PRIMPOL: variants seen among roughly 807,000 people sequenced by gnomAD.
PRIMPOL encodes the protein primase and DNA directed polymerase.
PRIMPOL carries 54 observed loss-of-function variants against 63.6 expected under a neutral mutation model. The observed-to-expected ratio is 0.85, with a 90% CI of 0.68 to 1.07. The LOEUF (loss-of-function observed/expected upper bound fraction) is 1.07, where lower values mean the gene tolerates loss of function less well. Among genes scored for constraint, PRIMPOL ranks in the 50% least tolerant of loss-of-function variants. The pLI, the probability that PRIMPOL is intolerant of heterozygous loss-of-function variation, is 0.00. For synonymous variants in PRIMPOL, 197 were observed against 220.2 expected (o/e 0.89, Z 0.93); for missense variants, 610 against 648.3 (o/e 0.94, Z 0.64).
chr4:184,685,517 T>A lies in PRIMPOL; in HGVS notation c.1186+19T>A. On this transcript the variant is annotated intron_variant, in intron 10 of 13. Coordinates refer to ENST00000314970, the MANE Select transcript of PRIMPOL (RefSeq NM_152683.4). ...AAAGGAGGTAAAGTTAATCTCATCCTTTGTTAACTGTTATATGATAGAGTG... is the reference window on the plus strand; with the variant it reads ...AAAGGAGGTAAAGTTAATCTCATCCATTGTTAACTGTTATATGATAGAGTG... 6.3e-7 allele frequency: 1 copy of A among 1,594,572 alleles called. No individual in the cohort carries two copies. The highest frequency in any genetic ancestry group is 1.1e-5 in the South Asian group (1 of 90,662).
intron 6 of PRIMPOL, among the ~76,000 whole-genome samples, chr4:184,668,345 G>A (rs765437384): frequency 1.6e-4 from 25 of 152,176 alleles, no homozygotes; most frequent in African/African-American, 4.3e-4. Context: ...TGTGCCTCTC[G>A]CCCTACTTAG....
chr4:184,657,197 T>A lies in PRIMPOL; in HGVS notation c.57T>A (p.Tyr19Ter). The A allele has an allele frequency of 6.2e-7, 1 of 1,613,088 alleles. No homozygotes were observed. Among genetic ancestry groups the A allele is most frequent in the Non-Finnish European group, 8.5e-7 (1 of 1,179,664 alleles). ...LKQIEERASH[Y>*]ERKPLSSVYR... ...AAATTGAAGAACGAGCATCTCATTA[T>A]GAGAGGAAACCGTTGTCCTCAGTGT... The change falls in exon 3 of 14, where the codon TAT becomes TAA. Residue 19 changes from tyrosine (Y) to a stop codon, truncating the protein, a stop_gained. Coordinates refer to ENST00000314970, the MANE Select transcript of PRIMPOL (RefSeq NM_152683.4). LOFTEE classifies it high-confidence loss of function.
chr4:184,651,099 T>C (rs2720383), intron 1 of PRIMPOL, among the ~76,000 whole-genome samples: 140,749 of 151,938 alleles, frequency 0.93, 66,066 homozygotes, highest in Non-Finnish European at 1. Context: ...ACCAGCCTGG[T>C]CAAGATGGTG....
chr4:184,654,598 C>CCGG (rs1745742164), intron 2 of PRIMPOL, among the ~76,000 whole-genome samples: 1 of 151,744 alleles, frequency 6.6e-6, no homozygotes, highest in African/African-American at 2.4e-5. Context: ...CTACAGGCAC[C>CCGG]CACCACCACG....
chr4:184,673,527 C>T (rs1752478609), intron 7 of PRIMPOL, among the ~76,000 whole-genome samples: 1 of 150,672 alleles, frequency 6.6e-6, no homozygotes, highest in South Asian at 2.1e-4. Flanking sequence ...CGGGTTCAAA[C>T]GATTCTCCTC....
intron 7 of PRIMPOL, among the ~76,000 whole-genome samples, chr4:184,677,214 G>A (rs75635067): frequency 1.1e-4 from 17 of 151,704 alleles, no homozygotes; most frequent in African/African-American, 4.1e-4. Context: ...CTCCTGTTGT[G>A]GCCTCCCATA....
At position 184,676,330 on chromosome 4, in the gene PRIMPOL, C is replaced by T. The variant is rs1753340237; in HGVS notation, c.845-1902C>T. ...CCTTCCCCTCCCTTCCCTTTCCTTCCCTTCCCTTCCTTTCTCCTTTTCCTT... is the reference window on the plus strand; with the variant it reads ...CCTTCCCCTCCCTTCCCTTTCCTTCTCTTCCCTTCCTTTCTCCTTTTCCTT... On this transcript the variant is annotated intron_variant, in intron 7 of 13. Transcript: ENST00000314970. Among the ~76,000 whole-genome samples, 3 of 138,434 alleles carry T rather than the reference C, an allele frequency of 2.2e-5. 1 individual carries two copies. Among genetic ancestry groups the T allele is most frequent in the Non-Finnish European group, 3.1e-5 (2 of 63,536 alleles). 90.8% of individuals were successfully genotyped at this position (138,434 alleles called of 152,430 possible).
Position 184,661,819 on chromosome 4 carries a change from G to A in PRIMPOL, c.324G>A (p.Val108=), listed in dbSNP as rs764741757. ...HCYEVIPENA[V]CKLYFDLEFN... ...ATGAAGTTATTCCTGAAAATGCTGTGTGCAAGCTTTATTTTGATTTGGAAT... is the reference window on the plus strand; with the variant it reads ...ATGAAGTTATTCCTGAAAATGCTGTATGCAAGCTTTATTTTGATTTGGAAT... Residue 108 remains valine, a synonymous_variant, in exon 5 of 14, where the codon GTG becomes GTA. Transcript: ENST00000314970. 2.5e-6 allele frequency: 4 copies of A among 1,613,508 alleles called. No individual in the cohort carries two copies. The highest frequency in any genetic ancestry group is 2.7e-5 in the African/African-American group (2 of 75,028).
At chr4:184,693,013 G>A (rs1351693174) in intron 13 of PRIMPOL, among the ~76,000 whole-genome samples, 1 of 151,946 alleles carries the variant, frequency 6.6e-6, no homozygotes, top group Non-Finnish European at 1.5e-5. Context: ...TTTGTTTTTT[G>A]TCACATCTGT....
chr4:184,686,659 T>C (rs1181999008), intron 11 of PRIMPOL, among the ~76,000 whole-genome samples: 7 of 152,270 alleles, frequency 4.6e-5, no homozygotes, highest in African/African-American at 1.2e-4. Flanking sequence ...GAAATTTTGC[T>C]GTTTTTTATT....
intron 8 of PRIMPOL, among the ~76,000 whole-genome samples, chr4:184,679,320 G>A (rs1475515678): frequency 6.6e-6 from 1 of 152,116 alleles, no homozygotes; most frequent in Non-Finnish European, 1.5e-5. Context: ...GCTAGGCACA[G>A]TAGCATGTGC....
chr4:184,672,225 AGAT>A lies in PRIMPOL; in HGVS notation c.616_618del (p.Asp206del), dbSNP rs1751981323. 5.6e-6 allele frequency: 9 copies of A among 1,613,680 alleles called. No homozygotes were observed. Among genetic ancestry groups the A allele is most frequent in the Non-Finnish European group, 6.8e-6 (8 of 1,179,928 alleles). Reference sequence around the variant, plus strand: ...CTGCTCTTGACTTGCTTGGCAGTGAAGATGATGATAGCGCTCCAGAGACAACAG... The same window carrying A: ...CTGCTCTTGACTTGCTTGGCAGTGAAGATGATAGCGCTCCAGAGACAACAG... On this transcript the variant is annotated inframe_deletion, in exon 7 of 14. Transcript: ENST00000314970.
intron 11 of PRIMPOL, 104 bp from the exon 12 acceptor site, chr4:184,691,395 C>T: frequency 1.5e-6 from 1 of 684,486 alleles, no homozygotes. Context: ...TAATTTTTCT[C>T]CATCTTTAAG....
intron 4 of PRIMPOL, among the ~76,000 whole-genome samples, chr4:184,660,161 CT>C (rs201816264): frequency 0.051 from 7,375 of 144,660 alleles, 200 homozygotes; most frequent in East Asian, 0.11. Context: ...TCAAGTATTT[CT>C]TTTTTTTTTT....
At position 184,661,877 on chromosome 4, in the gene PRIMPOL, A is replaced by T. The variant is rs1748426717; in HGVS notation, c.382A>T (p.Lys128Ter). 1 of 1,612,712 alleles carries T rather than the reference A, an allele frequency of 6.2e-7. No homozygotes were observed. The highest frequency in any genetic ancestry group is 1.7e-5 in the Admixed American group (1 of 59,970). Residue 128 changes from lysine (K) to a stop codon, truncating the protein, a stop_gained, in exon 5 of 14, where the codon AAA becomes TAA. Coordinates refer to ENST00000314970, the MANE Select transcript of PRIMPOL (RefSeq NM_152683.4). LOFTEE classifies it high-confidence loss of function. ...ACCTGCCAACCCAGGAGCTGATGGG[A>T]AAAAGATGGTTGCATTACTCATTGA... ...NKPANPGADGKKMVALLIEYV... is the reference protein window; with the variant it reads ...NKPANPGADG
chr4:184,664,598 G>T (rs1405943), intron 5 of PRIMPOL, among the ~76,000 whole-genome samples: 1 of 152,124 alleles, frequency 6.6e-6, no homozygotes, highest in Admixed American at 6.5e-5. Flanking sequence ...AGAAGGGGAC[G>T]GTACGCCCTT....
In PRIMPOL at chr4:184,682,276, T is replaced by C. The variant is rs781244241; in HGVS notation, c.1036T>C (p.Cys346Arg). 1 of 1,602,898 alleles carries C rather than the reference T, an allele frequency of 6.2e-7. No homozygotes were observed. The highest frequency in any genetic ancestry group is 2.2e-5 in the East Asian group (1 of 44,790). Residue 346 changes from cysteine to arginine, a missense_variant, in exon 9 of 14, where the codon TGT (cysteine) becomes CGT (arginine). Cys to Arg is a radical substitution (Grantham distance 180). Around this residue, in one of 3 missense-constraint regions of PRIMPOL, gnomAD observed 444 missense variants for 456.4 expected, o/e 0.97. Coordinates refer to ENST00000314970, the MANE Select transcript of PRIMPOL (RefSeq NM_152683.4). ...RFSDTLRILT[C>R]EPSQNKQKGV... The stretch of plus-strand genomic sequence containing the variant: ...CTCAGATACTTTACGAATTCTTACA[T>C]GTGAGCCATCTCAGAATAAACAAAA...
intron 5 of PRIMPOL, among the ~76,000 whole-genome samples, chr4:184,662,118 G>A (rs1465655344): frequency 2.6e-5 from 4 of 152,010 alleles, no homozygotes; most frequent in African/African-American, 9.7e-5. Context: ...CAATTTTGCT[G>A]TCTGGTAAAA....
At position 184,682,306 on chromosome 4, in the gene PRIMPOL, G is replaced by T. The variant is rs1364771534; in HGVS notation, c.1066G>T (p.Val356Phe). ...CEPSQNKQKG[V>F]GYFNSIGTSV... ...GCCATCTCAGAATAAACAAAAAGGA[G>T]TTGGATATTTTAACAGTATCGGCAC... The change falls in exon 9 of 14, where the codon GTT becomes TTT. Residue 356 changes from valine to phenylalanine, a missense_variant. Around this residue, in one of 3 missense-constraint regions of PRIMPOL, gnomAD observed 444 missense variants for 456.4 expected, o/e 0.97. Transcript: ENST00000314970. The T allele has an allele frequency of 6.2e-7, 1 of 1,601,678 alleles. No homozygotes were observed. Among genetic ancestry groups the T allele is most frequent in the Non-Finnish European group, 8.6e-7 (1 of 1,169,424 alleles).
Sources: allele counts gnomAD v4.1 joint callset (sites outside exome capture counted in the v4.1 genomes callset), GRCh38; gene constraint gnomAD v4.1.1; regional missense constraint gnomAD v4.1.1; transcripts MANE v1.5; gene names NCBI Gene and HGNC (gene_info 2026-07-23, HGNC 2026-07-21).